The following GRIK2 variants were observed in gnomAD, a reference collection of about 807,000 sequenced individuals.
GRIK2 encodes the protein glutamate ionotropic receptor kainate type subunit 2.
GRIK2 carries 32 observed loss-of-function variants against 100.3 expected under a neutral mutation model. The observed-to-expected ratio is 0.32, with a 90% CI of 0.24 to 0.43. The LOEUF is 0.43. GRIK2 is among the 20% of genes least tolerant of loss of function. The pLI is 1.00. For missense variants in GRIK2, 843 were observed against 1,114.9 expected, an observed-to-expected ratio of 0.76 and a Z score of 3.47; for synonymous variants, 417 against 389.4, an observed-to-expected ratio of 1.07 and a Z score of -0.83.
chr6:101,494,701 T>C (rs886946603), intron 2 of GRIK2, among the ~76,000 whole-genome samples: 7 of 150,140 alleles, frequency 4.7e-5, no homozygotes, highest in Admixed American at 2.0e-4. Flanking sequence ...GAGGCCAAGG[T>C]GAGCAGATCG....
At chr6:101,423,463 T>C (rs10214500) in intron 2 of GRIK2, among the ~76,000 whole-genome samples, 4,006 of 152,268 alleles carry the variant, frequency 0.026, 196 homozygotes, top group African/African-American at 0.092. Context: ...CACTTGTTTT[T>C]TTATGTATTT....
chr6:101,744,988 G>A (rs1776338175), intron 7 of GRIK2: 1 of 151,870 alleles, frequency 6.6e-6, no homozygotes, highest in Non-Finnish European at 1.5e-5. Context: ...TTGTAGGTAA[G>A]GCAAAAAGCA....
intron 11 of GRIK2, among the ~76,000 whole-genome samples, chr6:101,866,418 T>G (rs979193804): frequency 1.3e-5 from 2 of 152,172 alleles, no homozygotes; most frequent in Non-Finnish European, 2.9e-5. Flanking sequence ...GTAAAACATC[T>G]CATGTACCCC....
chr6:101,649,504 G>A (rs772427892), intron 4 of GRIK2, among the ~76,000 whole-genome samples: 4 of 151,948 alleles, frequency 2.6e-5, no homozygotes, highest in Admixed American at 6.6e-5. Context: ...CCAACAGCTC[G>A]TACATCATAG....
chr6:101,529,225 T>A (rs1309928069), intron 2 of GRIK2, among the ~76,000 whole-genome samples: 1 of 152,122 alleles, frequency 6.6e-6, no homozygotes, highest in East Asian at 1.9e-4. Context: ...TTTATGTGTC[T>A]CCAGTTTTTC....
intron 16 of GRIK2, among the ~76,000 whole-genome samples, chr6:102,068,037 G>A (rs570283483): frequency 1.3e-5 from 2 of 151,906 alleles, no homozygotes; most frequent in East Asian, 3.9e-4. Flanking sequence ...TCTATGTCAT[G>A]CTAATCATTT....
chr6:101,662,270 G>T (rs1769683833), intron 4 of GRIK2, among the ~76,000 whole-genome samples: 2 of 152,310 alleles, frequency 1.3e-5, no homozygotes, highest in Non-Finnish European at 2.9e-5. Flanking sequence ...AGCTGGTCTA[G>T]TTAGAAAGAA....
Position 101,983,863 on chromosome 6 carries a change from A to G in GRIK2, c.2086-51478A>G, listed in dbSNP as rs78508411. ...GACTTCCAATACTTAAAATTCATAC[A>G]CTGGTCTTTACTTTTAGAAAACAAA... On this transcript the variant is annotated intron_variant, in intron 14 of 16. Transcript: ENST00000369134. Among the ~76,000 whole-genome samples, 30 of 151,804 alleles carry G rather than the reference A, an allele frequency of 2.0e-4. No homozygotes were observed. The South Asian group carries it at 6.0e-3, about 30-fold the overall frequency.
intron 7 of GRIK2, among the ~76,000 whole-genome samples, chr6:101,741,921 C>G (rs1185362592): frequency 6.6e-6 from 1 of 152,106 alleles, no homozygotes; most frequent in Admixed American, 6.6e-5. Context: ...TTTACCAGGG[C>G]CAAGTAATGT....
Position 101,729,760 on chromosome 6 carries a change from A to G in GRIK2, c.951+43407A>G, listed in dbSNP as rs145402954. 1.7e-3 allele frequency among the ~76,000 whole-genome samples: 255 copies of G among 152,016 alleles called. 1 individual carries two copies. Among genetic ancestry groups the G allele is most frequent in the Non-Finnish European group, 9.3e-4 (63 of 67,858 alleles). ...CATAAAAGATCAATCATAGAAGCAT[A>G]GTTTTGATGTGATGATATGTCCTGT... On this transcript the variant is annotated intron_variant, in intron 7 of 16. Coordinates refer to ENST00000369134, the MANE Select transcript of GRIK2 (RefSeq NM_021956.5).
intron 12 of GRIK2, among the ~76,000 whole-genome samples, chr6:101,916,114 C>T (rs938778137): frequency 6.6e-6 from 1 of 151,334 alleles, no homozygotes; most frequent in Non-Finnish European, 1.5e-5. Context: ...GTTTAGGCTT[C>T]AGGTAAATTT....
At chr6:101,916,648 C>T (rs1310810863) in intron 12 of GRIK2, among the ~76,000 whole-genome samples, 2 of 151,530 alleles carry the variant, frequency 1.3e-5, no homozygotes, top group African/African-American at 2.4e-5. Flanking sequence ...ACAGACCTGA[C>T]TCAAACCTTC....
intron 14 of GRIK2, among the ~76,000 whole-genome samples, chr6:101,955,350 T>C (rs1791848779): frequency 6.6e-6 from 1 of 152,110 alleles, no homozygotes; most frequent in Admixed American, 6.6e-5. Flanking sequence ...CTCCAGGAAG[T>C]GTTAACAATT....
At chr6:101,426,855 C>T (rs1769048862) in intron 2 of GRIK2, among the ~76,000 whole-genome samples, 1 of 152,108 alleles carries the variant, frequency 6.6e-6, no homozygotes, top group Non-Finnish European at 1.5e-5. Flanking sequence ...ATTTAAAGTC[C>T]TACATAATCA....
intron 7 of GRIK2, among the ~76,000 whole-genome samples, chr6:101,763,515 A>G (rs1446153504): frequency 1.3e-5 from 2 of 152,202 alleles, no homozygotes; most frequent in African/African-American, 4.8e-5. Flanking sequence ...ATCTTATTCA[A>G]TTTATTAGCC....
At chr6:101,538,384 CTTATAA>C (rs1471493134) in intron 2 of GRIK2, among the ~76,000 whole-genome samples, 17 of 151,650 alleles carry the variant, frequency 1.1e-4, no homozygotes, top group South Asian at 8.3e-4. Context: ...CCGAATTTTT[CTTATAA>C]TTAAAATTAC....
At chr6:102,003,474 C>G (rs1256377960) in intron 14 of GRIK2, among the ~76,000 whole-genome samples, 1 of 151,766 alleles carries the variant, frequency 6.6e-6, no homozygotes, top group Non-Finnish European at 1.5e-5. Context: ...AAACATACTA[C>G]AATCATTTTA....
rs770732436 is a variant in GRIK2 at position 102,035,493 on chromosome 6, C to T, written c.2238C>T (p.Thr746=). 3.6e-5 allele frequency: 58 copies of T among 1,609,798 alleles called. No homozygotes were observed. Among genetic ancestry groups the T allele is most frequent in the Admixed American group, 8.4e-5 (5 of 59,668 alleles). The part of the protein sequence containing the change: ...LMESTTIEFV[T]QRNCNLTQIG... ...AGTCAACAACCATCGAGTTTGTTAC[C>T]CAGCGGAACTGTAACCTGACACAGA... is the stretch of plus-strand genomic sequence containing the variant. Residue 746 remains threonine (T), a synonymous_variant, in exon 15 of 17, where the codon ACC becomes ACT. Transcript: ENST00000369134.
At chr6:102,064,422 C>T (rs1209510916) in intron 16 of GRIK2, among the ~76,000 whole-genome samples, 1 of 143,058 alleles carries the variant, frequency 7.0e-6, no homozygotes, top group Admixed American at 7.2e-5. Flanking sequence ...TCCTTTCTTT[C>T]TTTCTCTCTT....
Sources: gnomAD v4.1 joint callset for allele counts (sites outside exome capture counted in the v4.1 genomes callset) on GRCh38, gnomAD v4.1.1 for gene constraint, MANE v1.5 for transcripts, NCBI Gene and HGNC (gene_info 2026-07-23, HGNC 2026-07-21) for gene names.